The following FRMPD4 variants were observed in gnomAD, a reference collection of about 807,000 sequenced individuals.
FRMPD4 encodes FERM and PDZ domain-containing protein 4.
A neutral mutation model predicts 94.1 loss-of-function variants in FRMPD4; 22 were observed. The ratio of observed to expected loss-of-function variants is 0.23; its 90% CI spans 0.17 to 0.33. The LOEUF (loss-of-function observed/expected upper bound fraction) is 0.33. FRMPD4 is among the 10% of genes least tolerant of loss of function. The pLI is 1.00. For synonymous variants in FRMPD4, 631 were observed against 548.6 expected (o/e 1.15, Z -2.10); for missense variants, 1,111 against 1,339.9 (o/e 0.83, Z 2.67).
At chrX:11,837,840 C>T (rs1042121400) in intron 1 of FRMPD4, among the ~76,000 whole-genome samples, 1 of 111,336 alleles carries the variant, frequency 9.0e-6, no homozygotes, top group African/African-American at 3.3e-5. Context: ...TTAGGAGAAT[C>T]GCTCAGTCTC....
chrX:11,885,807 G>A (rs986286711), intron 3 of FRMPD4, among the ~76,000 whole-genome samples: 7 of 111,029 alleles, frequency 6.3e-5, no homozygotes, highest in African/African-American at 3.3e-5. Flanking sequence ...AGGGCCCATC[G>A]CTTTTTTCAG....
At chrX:12,612,342 G>T (rs2059192111) in intron 3 of FRMPD4, among the ~76,000 whole-genome samples, 1 of 111,695 alleles carries the variant, frequency 9.0e-6, no homozygotes, top group Non-Finnish European at 1.9e-5. Context: ...ACAATTTTGA[G>T]AAGAGTAGAA....
intron 5 of FRMPD4, among the ~76,000 whole-genome samples, chrX:12,680,969 A>AAACTTATATATATAT (rs1403227048): frequency 1.7e-4 from 19 of 111,500 alleles, no homozygotes; most frequent in African/African-American, 6.2e-4. Context: ...GGTTATATCA[A>AAACTTATATATATAT]ATGATATGCA....
chrX:12,084,628 G>T (rs1275368358), intron 3 of FRMPD4, among the ~76,000 whole-genome samples: 1 of 111,774 alleles, frequency 8.9e-6, no homozygotes, highest in Non-Finnish European at 1.9e-5. Flanking sequence ...AACATAGTAG[G>T]ACAACAAATA....
intron 6 of FRMPD4, among the ~76,000 whole-genome samples, chrX:12,684,160 T>A (rs1419399796): frequency 1.8e-5 from 2 of 112,120 alleles, no homozygotes; most frequent in African/African-American, 3.2e-5. Context: ...ACTCAGGCAA[T>A]TAACTGAACT....
chrX:11,944,935 A>G (rs2214174), intron 3 of FRMPD4, among the ~76,000 whole-genome samples: 32,229 of 111,447 alleles, frequency 0.29, 3,992 homozygotes, highest in East Asian at 0.63. Context: ...CAATGAAAAT[A>G]CTGTTCAATG....
At chrX:12,713,598 T>A (rs1050247522) in intron 14 of FRMPD4, among the ~76,000 whole-genome samples, 76 of 110,844 alleles carry the variant, frequency 6.9e-4, no homozygotes, top group African/African-American at 2.3e-3. Context: ...CTCAGCATAC[T>A]CTAAGGGCTG....
chrX:11,979,570 G>A (rs777521756), intron 3 of FRMPD4, among the ~76,000 whole-genome samples: 1 of 112,053 alleles, frequency 8.9e-6, no homozygotes, highest in South Asian at 3.7e-4. Context: ...TGCCAATTTA[G>A]TGGCATGAAG....
chrX:12,553,599 C>T (rs2058564259), intron 2 of FRMPD4, among the ~76,000 whole-genome samples: 1 of 107,423 alleles, frequency 9.3e-6, no homozygotes, highest in Admixed American at 1.0e-4. Flanking sequence ...AGTCCCCCAC[C>T]CCAGCCAAAG....
intron 3 of FRMPD4, among the ~76,000 whole-genome samples, chrX:12,064,228 A>G (rs2054904705): frequency 8.9e-6 from 1 of 112,626 alleles, no homozygotes; most frequent in South Asian, 3.6e-4. Context: ...TGTTCTAGGT[A>G]CTTTACATAT....
chrX:12,648,727 T>C (rs1238571462), intron 4 of FRMPD4, among the ~76,000 whole-genome samples: 2 of 111,881 alleles, frequency 1.8e-5, no homozygotes, highest in Non-Finnish European at 3.8e-5. Flanking sequence ...AAGGAACAAA[T>C]AGAGAAAAGC....
At chrX:12,551,463 C>G (rs1377080920) in intron 2 of FRMPD4, among the ~76,000 whole-genome samples, 1 of 110,970 alleles carries the variant, frequency 9.0e-6, no homozygotes, top group East Asian at 2.8e-4. Context: ...TCCCAGTGGC[C>G]TCATGGATTT....
At chrX:12,155,481 G>T (rs1180988742) in intron 1 of FRMPD4, among the ~76,000 whole-genome samples, 2 of 103,299 alleles carry the variant, frequency 1.9e-5, no homozygotes, top group African/African-American at 7.2e-5. Flanking sequence ...GATTCAAGGT[G>T]TCTGGGTTTT....
At chrX:11,956,945 C>T (rs759088316) in intron 3 of FRMPD4, among the ~76,000 whole-genome samples, 2 of 111,903 alleles carry the variant, frequency 1.8e-5, no homozygotes, top group Non-Finnish European at 1.9e-5. Context: ...CTTACAATCA[C>T]AGTAACACTT....
intron 3 of FRMPD4, among the ~76,000 whole-genome samples, chrX:12,119,553 A>G (rs1234791888): frequency 3.6e-5 from 4 of 112,238 alleles, no homozygotes; most frequent in Non-Finnish European, 5.6e-5. Context: ...GAGGGAGTCT[A>G]TGGAAAGCTA....
chrX:12,180,505 A>G (rs1470436919), intron 1 of FRMPD4, among the ~76,000 whole-genome samples: 1 of 112,264 alleles, frequency 8.9e-6, no homozygotes, highest in Non-Finnish European at 1.9e-5. Context: ...ACTGGGGATA[A>G]GGAATATGAT....
At chrX:12,134,872 G>A (rs1456238125), upstream of FRMPD4, among the ~76,000 whole-genome samples, 2 of 112,356 alleles carry the variant, frequency 1.8e-5, no homozygotes, top group Non-Finnish European at 3.8e-5. Flanking sequence ...ATATTCATGT[G>A]CCTCAACTCA....
At chrX:12,418,871 A>G (rs1202443564) in intron 1 of FRMPD4, among the ~76,000 whole-genome samples, 1 of 111,562 alleles carries the variant, frequency 9.0e-6, no homozygotes, top group Non-Finnish European at 1.9e-5. Flanking sequence ...AGGGCCAAAG[A>G]TGTTACATTT....
At chrX:12,640,271 C>T (rs746339566) in intron 4 of FRMPD4, among the ~76,000 whole-genome samples, 6 of 87,912 alleles carry the variant, frequency 6.8e-5, no homozygotes, top group Non-Finnish European at 6.4e-5. Context: ...TGCACTCCAG[C>T]CTGGACGACA....
Sources: allele counts gnomAD v4.1 joint callset (sites outside exome capture counted in the v4.1 genomes callset), GRCh38; gene constraint gnomAD v4.1.1; transcripts MANE v1.5; gene names NCBI Gene and HGNC (gene_info 2026-07-23, HGNC 2026-07-21).